The following CTNNA3 variants were observed in gnomAD, a reference collection of about 807,000 sequenced individuals.
CTNNA3 encodes the protein catenin alpha 3.
Under a neutral mutation model 95.7 loss-of-function variants are expected in CTNNA3, and 76 were observed. That is an observed-to-expected ratio of 0.79 (90% CI 0.66 to 0.96). CTNNA3 has a LOEUF of 0.96. Ranked by LOEUF, CTNNA3 falls within the 40% of genes least tolerant of loss-of-function variation. The pLI, the probability that CTNNA3 is intolerant of heterozygous loss-of-function variation, is 0.00. For missense variants in CTNNA3, 1,191 were observed against 1,089.8 expected, an observed-to-expected ratio of 1.09 and a Z score of -1.31; for synonymous variants, 431 against 374.4, an observed-to-expected ratio of 1.15 and a Z score of -1.74.
At chr10:66,569,467 A>T (rs1842804917) in intron 10 of CTNNA3, among the ~76,000 whole-genome samples, 1 of 152,200 alleles carries the variant, frequency 6.6e-6, no homozygotes. Context: ...TTTAAAAATG[A>T]TTAATCTCAA....
chr10:67,434,818 A>G (rs1846243316), intron 5 of CTNNA3, among the ~76,000 whole-genome samples: 1 of 152,030 alleles, frequency 6.6e-6, no homozygotes, highest in Non-Finnish European at 1.5e-5. Context: ...CCAAGTCAGC[A>G]TAGTGAGTAC....
chr10:67,459,384 T>C (rs1847292330), intron 5 of CTNNA3, among the ~76,000 whole-genome samples: 1 of 152,234 alleles, frequency 6.6e-6, no homozygotes, highest in Non-Finnish European at 1.5e-5. Flanking sequence ...AATATCAGTG[T>C]CTGATTTCTG....
At chr10:66,258,095 C>A (rs1331045754) in intron 13 of CTNNA3, among the ~76,000 whole-genome samples, 3 of 152,150 alleles carry the variant, frequency 2.0e-5, no homozygotes, top group African/African-American at 4.8e-5. Flanking sequence ...TTCGGACAGG[C>A]CCTAGCTAGA....
At chr10:66,930,057 T>A (rs994678430) in intron 7 of CTNNA3, among the ~76,000 whole-genome samples, 11 of 142,902 alleles carry the variant, frequency 7.7e-5, no homozygotes, top group Admixed American at 2.7e-4. Flanking sequence ...TTTTTACTAA[T>A]TTTTTTTTAT....
At position 65,938,073 on chromosome 10, in the gene CTNNA3, C is replaced by T. The variant is rs559434282; in HGVS notation, c.2401-17456G>A. 3.9e-5 allele frequency among the ~76,000 whole-genome samples: 6 copies of T among 152,214 alleles called. No individual in the cohort carries two copies. The South Asian group carries it at 1.0e-3, about 26-fold the overall frequency. On this transcript the variant is annotated intron_variant, in intron 17 of 17. Transcript: ENST00000433211. ...GGAGGCTGCTGATTCAAATATCCTG[C>T]AAAGATTTTGAAGGAAAGCAATGAT...
intron 10 of CTNNA3, among the ~76,000 whole-genome samples, chr10:66,583,885 T>G (rs1843275765): frequency 6.6e-6 from 1 of 151,888 alleles, no homozygotes; most frequent in South Asian, 2.1e-4. Context: ...GTGTCACTGT[T>G]GTTATTCATT....
At chr10:67,535,581 A>G (rs1840464122) in intron 4 of CTNNA3, among the ~76,000 whole-genome samples, 1 of 152,162 alleles carries the variant, frequency 6.6e-6, no homozygotes. Flanking sequence ...TGACAAGGCT[A>G]CTGTGATAGG....
At chr10:67,137,288 T>C (rs1860346576) in intron 7 of CTNNA3, among the ~76,000 whole-genome samples, 1 of 139,172 alleles carries the variant, frequency 7.2e-6, no homozygotes. Flanking sequence ...CATAAGAAAA[T>C]GATTTTGTTG....
chr10:67,222,926 T>C (rs574819941), intron 5 of CTNNA3, among the ~76,000 whole-genome samples: 74 of 152,368 alleles, frequency 4.9e-4, no homozygotes, highest in African/African-American at 1.4e-3. Flanking sequence ...TAGCAATGTG[T>C]AATCTGATGG....
At chr10:67,031,204 T>C (rs949315928) in intron 7 of CTNNA3, among the ~76,000 whole-genome samples, 2 of 152,188 alleles carry the variant, frequency 1.3e-5, no homozygotes, top group African/African-American at 4.8e-5. Context: ...TAAATTGATA[T>C]ATATGTCTAT....
chr10:66,992,769 T>C (rs1488791265), intron 7 of CTNNA3, among the ~76,000 whole-genome samples: 2 of 152,162 alleles, frequency 1.3e-5, no homozygotes, highest in Non-Finnish European at 2.9e-5. Flanking sequence ...AATTTTTCCT[T>C]ATGGATACTT....
intron 10 of CTNNA3, among the ~76,000 whole-genome samples, chr10:66,617,832 C>A (rs1176910587): frequency 1.3e-5 from 2 of 151,724 alleles, no homozygotes; most frequent in Non-Finnish European, 2.9e-5. Context: ...AGCCCAAAAT[C>A]TCCTTAAGCT....
intron 12 of CTNNA3, among the ~76,000 whole-genome samples, chr10:66,344,362 G>A (rs2092483699): frequency 6.6e-6 from 1 of 150,860 alleles, no homozygotes; most frequent in Non-Finnish European, 1.5e-5. Flanking sequence ...CGTCTCCCGG[G>A]TTCAAACGAT....
intron 5 of CTNNA3, among the ~76,000 whole-genome samples, chr10:67,275,152 T>C (rs1839138813): frequency 6.6e-6 from 1 of 152,164 alleles, no homozygotes; most frequent in African/African-American, 2.4e-5. Flanking sequence ...CTCTTCTGAG[T>C]ATTTTAAATA....
intron 4 of CTNNA3, among the ~76,000 whole-genome samples, chr10:67,537,470 C>T (rs753337379): frequency 6.6e-6 from 1 of 152,162 alleles, no homozygotes; most frequent in Non-Finnish European, 1.5e-5. Flanking sequence ...ATTTTTACTG[C>T]AAGAGGTACT....
intron 10 of CTNNA3, among the ~76,000 whole-genome samples, chr10:66,552,747 C>T (rs927574898): frequency 6.6e-6 from 1 of 151,858 alleles, no homozygotes; most frequent in African/African-American, 2.4e-5. Flanking sequence ...TTTTATATAT[C>T]TCTGAAAAAT....
At chr10:67,303,258 C>A (rs534722906) in intron 5 of CTNNA3, among the ~76,000 whole-genome samples, 1 of 152,318 alleles carries the variant, frequency 6.6e-6, no homozygotes, top group East Asian at 1.9e-4. Context: ...GAATCAGTGA[C>A]CTTTGGTCAA....
intron 9 of CTNNA3, among the ~76,000 whole-genome samples, chr10:66,623,109 A>T (rs1426954423): frequency 1.3e-5 from 2 of 152,096 alleles, no homozygotes; most frequent in Non-Finnish European, 2.9e-5. Context: ...TGAAAAGGGC[A>T]ACAGTTTCTG....
At chr10:66,880,307 A>G (rs1844797215) in intron 7 of CTNNA3, among the ~76,000 whole-genome samples, 2 of 152,098 alleles carry the variant, frequency 1.3e-5, no homozygotes, top group East Asian at 3.9e-4. Context: ...TCCATGTCAT[A>G]GGGAACTAAA....
Sources: allele counts gnomAD v4.1 joint callset (sites outside exome capture counted in the v4.1 genomes callset), GRCh38; gene constraint gnomAD v4.1.1; transcripts MANE v1.5; gene names NCBI Gene and HGNC (gene_info 2026-07-23, HGNC 2026-07-21).